ACTN1: variants seen among roughly 807,000 people sequenced by gnomAD.
The protein encoded by ACTN1 is actinin alpha 1, also known as alpha-actinin-1.
A neutral mutation model predicts 119.6 loss-of-function variants in ACTN1; 30 were observed. That is an observed-to-expected ratio of 0.25 (90% CI 0.19 to 0.34). ACTN1 has a LOEUF of 0.34. Among genes scored for constraint, ACTN1 ranks in the 10% least tolerant of loss-of-function variants. ACTN1 has a pLI of 1.00. For synonymous variants in ACTN1, 429 were observed against 472.6 expected, an observed-to-expected ratio of 0.91 and a Z score of 1.20; for missense variants, 764 against 1,223.4, an observed-to-expected ratio of 0.62 and a Z score of 5.60.
intron 1 of ACTN1, among the ~76,000 whole-genome samples, chr14:68,970,112 G>A (rs2036834245): frequency 6.6e-6 from 1 of 152,152 alleles, no homozygotes. Context: ...CACAGGCCTT[G>A]TGACCATGCT....
chr14:68,906,628 G>A (rs985231800), intron 6 of ACTN1, among the ~76,000 whole-genome samples: 2 of 152,142 alleles, frequency 1.3e-5, no homozygotes, highest in Non-Finnish European at 2.9e-5. Flanking sequence ...GTGAGTTCCA[G>A]GGACCCCAGG....
intron 21 of ACTN1, chr14:68,875,223 G>T: frequency 7.1e-7 from 1 of 1,406,706 alleles, no homozygotes; most frequent in Non-Finnish European, 9.5e-7. Context: ...ATTCTCTCAG[G>T]TTTTCCACTT....
chr14:68,931,013 A>T (rs551212589), intron 1 of ACTN1, among the ~76,000 whole-genome samples: 1 of 152,332 alleles, frequency 6.6e-6, no homozygotes, highest in South Asian at 2.1e-4. Context: ...ACACGGCTGG[A>T]TTATATTCAC....
At position 68,979,130 on chromosome 14, in the gene ACTN1, G is replaced by A. The variant is rs1203945900; in HGVS notation, c.-74C>T. On this transcript the variant is annotated 5_prime_UTR_variant, in exon 1 of 22. Transcript: ENST00000394419. ...TGAGCAACGGCTGCTGCCCTGGCGT[G>A]GGGAGGGAGTAGGGCTGGGCTGGGC... The A allele has an allele frequency of 4.4e-6, 5 of 1,126,916 alleles. No homozygotes were observed. Among genetic ancestry groups the A allele is most frequent in the African/African-American group, 1.6e-5 (1 of 62,100 alleles). 69.8% of individuals were successfully genotyped at this position (1,126,916 alleles called of 1,614,324 possible).
Position 68,878,915 on chromosome 14 carries a change from G to T in ACTN1, c.2361+74C>A. 1 of 1,607,446 alleles carries T rather than the reference G, an allele frequency of 6.2e-7. No individual in the cohort carries two copies. The highest frequency in any genetic ancestry group is 1.1e-5 in the South Asian group (1 of 90,942). The stretch of plus-strand genomic sequence containing the variant: ...GGACAGGAGATCCAGACAGAGAGAA[G>T]AGAAAAAGGAAAAACGCATTATTTC... On this transcript the variant is annotated intron_variant, in intron 19 of 21. Coordinates refer to ENST00000394419, the MANE Select transcript of ACTN1 (RefSeq NM_001130004.2). The surrounding 1 kb of genome is among the most constrained non-coding windows in gnomAD (Gnocchi z 4.4).
In ACTN1 at chr14:68,915,222, G is replaced by A. The variant is rs575090839; in HGVS notation, c.341-2980C>T. Among the ~76,000 whole-genome samples the A allele has an allele frequency of 9.9e-5, 15 of 152,036 alleles. 2 individuals carry two copies. Among genetic ancestry groups the A allele is most frequent in the African/African-American group, 2.9e-4 (12 of 41,448 alleles). The stretch of plus-strand genomic sequence containing the variant: ...CCAGAGAGGCCCTCGTGGTCTGGCC[G>A]CCTGGGCCTCTTGTTCCCCCTCCTC... On this transcript the variant is annotated intron_variant, in intron 3 of 21. Coordinates refer to ENST00000394419, the MANE Select transcript of ACTN1 (RefSeq NM_001130004.2).
chr14:68,931,833 G>A (rs1325976689), intron 1 of ACTN1, among the ~76,000 whole-genome samples: 1 of 152,176 alleles, frequency 6.6e-6, no homozygotes, highest in Non-Finnish European at 1.5e-5. Context: ...ATAAAGAACA[G>A]ACCACAAGCT....
At chr14:68,951,152 AGGCAACGGGGTGAC>A (rs1348327980) in intron 1 of ACTN1, among the ~76,000 whole-genome samples, 22 of 152,270 alleles carry the variant, frequency 1.4e-4, no homozygotes, top group Non-Finnish European at 2.6e-4. Context: ...CCATGGCCAG[AGGCAACGGGGTGAC>A]GGGCAGGCTC....
chr14:68,893,784 C>T, intron 8 of ACTN1, 37 bp from the exon 9 acceptor site: 1 of 1,607,182 alleles, frequency 6.2e-7, no homozygotes, highest in South Asian at 1.1e-5. Context: ...ACCAGCCAGC[C>T]CCAGCAGCAG....
chr14:68,974,251 G>A (rs2036990098), intron 1 of ACTN1: 1 of 152,772 alleles, frequency 6.5e-6, no homozygotes, highest in Non-Finnish European at 1.5e-5. Flanking sequence ...TCGCAGAAAG[G>A]TGAGAGGTCA....
intron 4 of ACTN1, 113 bp from the exon 5 acceptor site, chr14:68,910,155 A>G (rs1176033076): frequency 1.3e-6 from 1 of 746,680 alleles, no homozygotes; most frequent in African/African-American, 1.8e-5. Context: ...GCAGCTACTG[A>G]AGGAGGAGCC....
intron 1 of ACTN1, 75 bp downstream of exon 1, chr14:68,978,877 G>C (rs2037164850): frequency 9.3e-7 from 1 of 1,076,268 alleles, no homozygotes. Flanking sequence ...CCGGAGCCGA[G>C]AGCCCGGCAG....
Position 68,918,135 on chromosome 14 carries a change from G to A in ACTN1, c.340+2871C>T, listed in dbSNP as rs1428773009. 4.6e-5 allele frequency among the ~76,000 whole-genome samples: 7 copies of A among 152,188 alleles called. No homozygotes were observed. In the South Asian group the frequency reaches 8.3e-4, roughly 18 times the overall value. On this transcript the variant is annotated intron_variant, in intron 3 of 21. Transcript: ENST00000394419. The stretch of plus-strand genomic sequence containing the variant: ...AAGCTAGGCCTGCGTCAAAGGAAAC[G>A]GGAAAACTGAGGCTGCCAGGTGAAT...
intron 3 of ACTN1, among the ~76,000 whole-genome samples, chr14:68,918,637 T>G (rs2034466654): frequency 1.3e-5 from 2 of 151,408 alleles, no homozygotes; most frequent in African/African-American, 2.4e-5. Context: ...GGCGCACACC[T>G]GTAATCTCAA....
intron 1 of ACTN1, among the ~76,000 whole-genome samples, chr14:68,935,816 A>G (rs141452903): frequency 0.016 from 2,420 of 149,342 alleles, 57 homozygotes; most frequent in South Asian, 0.032. Flanking sequence ...AAACAAGATA[A>G]CCCACCTGCA....
chr14:68,908,483 C>T (rs2033804189), intron 6 of ACTN1, among the ~76,000 whole-genome samples: 1 of 152,188 alleles, frequency 6.6e-6, no homozygotes, highest in East Asian at 1.9e-4. Context: ...CCTCCCTTGC[C>T]AAGAGATCTG....
Position 68,907,259 on chromosome 14 carries a change from T to TAA in ACTN1, c.594+2057_594+2058dup, listed in dbSNP as rs775481921. On this transcript the variant is annotated intron_variant, in intron 6 of 21. Coordinates refer to ENST00000394419, the MANE Select transcript of ACTN1 (RefSeq NM_001130004.2). ...CCTGGGCGACACAGCAAGACTCTCT[T>TAA]AAAAAAAAAAAAAAAAAAAAAAAGC... is the stretch of plus-strand genomic sequence containing the variant. 2.6e-3 allele frequency among the ~76,000 whole-genome samples: 192 copies of TAA among 72,942 alleles called. 1 individual carries two copies. Among genetic ancestry groups the TAA allele is most frequent in the African/African-American group, 7.8e-3 (127 of 16,368 alleles). 47.9% of individuals were successfully genotyped at this position (72,942 alleles called of 152,430 possible).
At chr14:68,898,891 T>TCCCACACACTCCACACAC (rs923585710) in intron 8 of ACTN1, among the ~76,000 whole-genome samples, 1 of 150,516 alleles carries the variant, frequency 6.6e-6, no homozygotes, top group Admixed American at 6.6e-5. Flanking sequence ...GCCATCCACA[T>TCCCACACACTCCACACAC]CCCACACACT....
chr14:68,907,350 G>A (rs2033727988), intron 6 of ACTN1, among the ~76,000 whole-genome samples: 1 of 151,078 alleles, frequency 6.6e-6, no homozygotes, highest in Non-Finnish European at 1.5e-5. Flanking sequence ...GATCACCTGA[G>A]GTCAGCAGTT....
Sources: allele counts gnomAD v4.1 joint callset (sites outside exome capture counted in the v4.1 genomes callset), GRCh38; gene constraint gnomAD v4.1.1; non-coding constraint Gnocchi (gnomAD v3.1); transcripts MANE v1.5; gene names NCBI Gene and HGNC (gene_info 2026-07-23, HGNC 2026-07-21).